Variants in CDH13 observed in about 807,000 individuals in gnomAD.
CDH13 encodes cadherin-13.
Under a neutral mutation model 63.8 loss-of-function variants are expected in CDH13, and 24 were observed. The ratio of observed to expected loss-of-function variants is 0.38; its 90% confidence interval spans 0.27 to 0.53. The LOEUF (loss-of-function observed/expected upper bound fraction) is 0.53, where lower values mean the gene tolerates loss of function less well. Ranked by LOEUF, CDH13 falls within the 20% of genes least tolerant of loss-of-function variation. CDH13 has a pLI of 0.85. For missense variants in CDH13, 1,049 were observed against 903.1 expected, an observed-to-expected ratio of 1.16 and a Z score of -2.07; for synonymous variants, 503 against 355.3, an observed-to-expected ratio of 1.42 and a Z score of -4.67.
chr16:83,196,782 G>A (rs1415198304), intron 4 of CDH13, among the ~76,000 whole-genome samples: 2 of 152,144 alleles, frequency 1.3e-5, no homozygotes, highest in Non-Finnish European at 2.9e-5. Flanking sequence ...TTTTTAAAAA[G>A]CAGTAACATC....
chr16:83,065,686 C>G (rs1341298089), intron 3 of CDH13, among the ~76,000 whole-genome samples: 1 of 138,514 alleles, frequency 7.2e-6, no homozygotes. Context: ...GCCTGGGTGA[C>G]AGAACGAGAT....
At chr16:82,665,592 C>A (rs999968636) in intron 1 of CDH13, among the ~76,000 whole-genome samples, 4 of 151,970 alleles carry the variant, frequency 2.6e-5, no homozygotes, top group African/African-American at 7.3e-5. Context: ...CCTGATAAAC[C>A]ATCCTACATC....
intron 1 of CDH13, among the ~76,000 whole-genome samples, chr16:82,629,709 G>A (rs142607168): frequency 1.3e-5 from 2 of 152,190 alleles, no homozygotes; most frequent in Admixed American, 1.3e-4. Flanking sequence ...AGGCATTTTG[G>A]TAGGAGGTGA....
At chr16:82,960,201 G>T (rs1426619996) in intron 2 of CDH13, among the ~76,000 whole-genome samples, 1 of 152,164 alleles carries the variant, frequency 6.6e-6, no homozygotes, top group Admixed American at 6.5e-5. Context: ...GCATGGGTGG[G>T]TGTGGCTGAG....
intron 6 of CDH13, among the ~76,000 whole-genome samples, chr16:83,390,085 G>C (rs549936126): frequency 6.6e-6 from 1 of 152,134 alleles, no homozygotes; most frequent in Non-Finnish European, 1.5e-5. Flanking sequence ...ACATCTCTTT[G>C]AGTCCTGGGC....
In CDH13 at chr16:83,223,950, C is replaced by A. The variant is rs140020806; in HGVS notation, c.636+6453C>A. Among the ~76,000 whole-genome samples, 478 of 152,290 alleles carry A rather than the reference C, an allele frequency of 3.1e-3. 4 individuals are homozygous for A. Among genetic ancestry groups the A allele is most frequent in the Non-Finnish European group, 5.4e-3 (367 of 68,012 alleles). ...GCACCCATCACACGAGCAGTATACA[C>A]TGAACCCAGTTTGTAGCCTTTTATT... is the stretch of plus-strand genomic sequence containing the variant. On this transcript the variant is annotated intron_variant, in intron 5 of 13. Transcript: ENST00000567109.
At chr16:83,118,381 T>C (rs2035408354) in intron 3 of CDH13, among the ~76,000 whole-genome samples, 1 of 152,234 alleles carries the variant, frequency 6.6e-6, no homozygotes, top group African/African-American at 2.4e-5. Flanking sequence ...TATGTGTGTC[T>C]ATCAGATGGA....
At chr16:82,684,163 G>A (rs946268564) in intron 1 of CDH13, among the ~76,000 whole-genome samples, 4 of 152,218 alleles carry the variant, frequency 2.6e-5, no homozygotes, top group Non-Finnish European at 5.9e-5. Context: ...TGGGGAAAGG[G>A]CCCAGGTTTT....
At chr16:83,213,329 G>C (rs771710182) in intron 4 of CDH13, among the ~76,000 whole-genome samples, 1 of 152,158 alleles carries the variant, frequency 6.6e-6, no homozygotes, top group East Asian at 1.9e-4. Flanking sequence ...GATAATTTCT[G>C]GGTCTAGAAT....
chr16:83,067,318 CT>C (rs1176025915), intron 3 of CDH13, among the ~76,000 whole-genome samples: 1 of 152,170 alleles, frequency 6.6e-6, no homozygotes, highest in Non-Finnish European at 1.5e-5. Flanking sequence ...GGAATACCTA[CT>C]GTCTACTTGT....
At chr16:83,402,394 C>T (rs969469954) in intron 6 of CDH13, among the ~76,000 whole-genome samples, 1 of 152,174 alleles carries the variant, frequency 6.6e-6, no homozygotes, top group Non-Finnish European at 1.5e-5. Context: ...TGCTCTTATC[C>T]CACAAGAACG....
Position 83,788,917 on chromosome 16 carries a change from G to C in CDH13, c.2134+5445G>C, listed in dbSNP as rs57079968. 4.7e-3 allele frequency among the ~76,000 whole-genome samples: 713 copies of C among 152,060 alleles called. 3 individuals are homozygous for C. The highest frequency in any genetic ancestry group is 0.014 in the Middle Eastern group (4 of 294). On this transcript the variant is annotated intron_variant, in intron 13 of 13. Coordinates refer to ENST00000567109, the MANE Select transcript of CDH13 (RefSeq NM_001257.5). Reference sequence around the variant, plus strand: ...AATGGTTTGCTGTACAAAGACAGTAGTTTCAGCCCCCAAAAAACAGTTAAA... The same window carrying C: ...AATGGTTTGCTGTACAAAGACAGTACTTTCAGCCCCCAAAAAACAGTTAAA...
intron 8 of CDH13, among the ~76,000 whole-genome samples, chr16:83,649,055 A>G (rs1912113341): frequency 6.6e-6 from 1 of 152,150 alleles, no homozygotes; most frequent in Admixed American, 6.5e-5. Context: ...TCACCTTTTT[A>G]CTTAAAATTT....
At chr16:83,254,489 C>A (rs1304894490) in intron 5 of CDH13, among the ~76,000 whole-genome samples, 1 of 152,164 alleles carries the variant, frequency 6.6e-6, no homozygotes, top group Admixed American at 6.5e-5. Context: ...CAACAAGGCA[C>A]GCAGGATCAA....
chr16:83,497,201 C>G (rs1481284972), intron 7 of CDH13, among the ~76,000 whole-genome samples: 1 of 152,026 alleles, frequency 6.6e-6, no homozygotes, highest in African/African-American at 2.4e-5. Context: ...GCTATAAAGA[C>G]ACATGCACAC....
At chr16:83,491,503 T>G (rs1163457460) in intron 7 of CDH13, among the ~76,000 whole-genome samples, 1 of 152,130 alleles carries the variant, frequency 6.6e-6, no homozygotes, top group African/African-American at 2.4e-5. Flanking sequence ...ATTCATCTGC[T>G]GGAATCTGCC....
At chr16:82,748,766 A>C (rs2034288597) in intron 1 of CDH13, among the ~76,000 whole-genome samples, 1 of 152,216 alleles carries the variant, frequency 6.6e-6, no homozygotes, top group Non-Finnish European at 1.5e-5. Flanking sequence ...ATAAAGAGCC[A>C]GGATGGTAGA....
chr16:82,731,566 C>G (rs2033403655), intron 1 of CDH13, among the ~76,000 whole-genome samples: 1 of 152,174 alleles, frequency 6.6e-6, no homozygotes, highest in Non-Finnish European at 1.5e-5. Flanking sequence ...AAGTGAAATT[C>G]TGACTTAGGT....
At chr16:82,667,112 A>G (rs1335739236) in intron 1 of CDH13, among the ~76,000 whole-genome samples, 3 of 152,212 alleles carry the variant, frequency 2.0e-5, no homozygotes, top group African/African-American at 7.2e-5. Flanking sequence ...TTCAGAAGTT[A>G]TCTGATGCCA....
Sources: gnomAD v4.1 joint callset for allele counts (sites outside exome capture counted in the v4.1 genomes callset) on GRCh38, gnomAD v4.1.1 for gene constraint, MANE v1.5 for transcripts, NCBI Gene and HGNC (gene_info 2026-07-23, HGNC 2026-07-21) for gene names.